The following SH2D3C variants were observed in gnomAD, a reference collection of about 807,000 sequenced individuals.
SH2D3C encodes SH2 domain-containing protein 3C.
SH2D3C carries 25 observed loss-of-function variants against 75.2 expected under a neutral mutation model. That is an observed-to-expected ratio of 0.33 (90% CI 0.24 to 0.46). The LOEUF is 0.46. Among genes scored for constraint, SH2D3C ranks in the 20% least tolerant of loss-of-function variants. The pLI is 1.00. For synonymous variants in SH2D3C, 450 were observed against 473.7 expected (o/e 0.95, Z 0.65); for missense variants, 933 against 1,165.3 (o/e 0.80, Z 2.90).
At chr9:127,753,015 C>A (rs187440062) in intron 3 of SH2D3C, among the ~76,000 whole-genome samples, 2 of 151,754 alleles carry the variant, frequency 1.3e-5, no homozygotes, top group Non-Finnish European at 2.9e-5. Context: ...GGGGAGAGAG[C>A]GGCAAAGTCA....
intron 10 of SH2D3C, 141 bp downstream of exon 10, chr9:127,740,117 A>G: frequency 1.3e-6 from 1 of 789,486 alleles, no homozygotes; most frequent in Non-Finnish European, 2.1e-6. Context: ...CAGGGCTGAC[A>G]CAGCTGCCAG....
chr9:127,741,483 C>T (rs1033583433), intron 9 of SH2D3C, among the ~76,000 whole-genome samples: 1 of 152,128 alleles, frequency 6.6e-6, no homozygotes, highest in Admixed American at 6.5e-5. Context: ...GTGATCCGCC[C>T]GCCTCAGCCT....
At chr9:127,766,335 C>T (rs979881649) in intron 2 of SH2D3C, among the ~76,000 whole-genome samples, 3 of 152,242 alleles carry the variant, frequency 2.0e-5, no homozygotes, top group African/African-American at 7.2e-5. Flanking sequence ...GCCCCTGATC[C>T]CTGGCTCCCT....
chr9:127,740,935 C>A (rs939719841), intron 9 of SH2D3C, among the ~76,000 whole-genome samples: 1 of 152,216 alleles, frequency 6.6e-6, no homozygotes, highest in African/African-American at 2.4e-5. Flanking sequence ...CCCACCTTGG[C>A]CTCCCAAAGT....
chr9:127,755,669 G>A (rs1277797077), intron 3 of SH2D3C, among the ~76,000 whole-genome samples: 1 of 152,212 alleles, frequency 6.6e-6, no homozygotes, highest in Non-Finnish European at 1.5e-5. Flanking sequence ...CAGAGCCCAG[G>A]ATTTCTCATC....
chr9:127,756,493 G>T lies in SH2D3C; in HGVS notation c.555+5118C>A, dbSNP rs565374498. ...TTGTTTGTTTTCTGTAAATACATCT[G>T]AAGCTCTGGGCATGCAGCCTGGAAT... is the stretch of plus-strand genomic sequence containing the variant. On this transcript the variant is annotated intron_variant, in intron 3 of 11. Coordinates refer to ENST00000314830, the MANE Select transcript of SH2D3C (RefSeq NM_170600.3). Among the ~76,000 whole-genome samples the T allele has an allele frequency of 1.2e-4, 19 of 152,228 alleles. No individual in the cohort carries two copies. In the South Asian group the frequency reaches 3.7e-3, roughly 30 times the overall value.
Position 127,757,272 on chromosome 9 carries a change from A to ATTTTTT in SH2D3C, c.555+4333_555+4338dup, listed in dbSNP as rs60217641. Among the ~76,000 whole-genome samples, 331 of 138,670 alleles carry ATTTTTT rather than the reference A, an allele frequency of 2.4e-3. 7 individuals carry two copies. The East Asian group carries it at 0.053, about 22-fold the overall frequency. 91.0% of individuals were successfully genotyped at this position (138,670 alleles called of 152,430 possible). The stretch of plus-strand genomic sequence containing the variant: ...ATTGATTCCTTTTAACCCTCATTTG[A>ATTTTTT]TTTTTTTTTTTTTTTGAGAGGCAGG... On this transcript the variant is annotated intron_variant, in intron 3 of 11. Coordinates refer to ENST00000314830, the MANE Select transcript of SH2D3C (RefSeq NM_170600.3).
In SH2D3C at chr9:127,751,223, G is replaced by A. The variant is rs781603646; in HGVS notation, c.633C>T (p.Ser211=). The A allele has an allele frequency of 4.3e-6, 7 of 1,613,990 alleles. No individual in the cohort carries two copies. Among genetic ancestry groups the A allele is most frequent in the East Asian group, 4.5e-5 (2 of 44,898 alleles). The change falls in exon 4 of 12, where the codon AGC becomes AGT. Residue 211 remains serine (S), a synonymous_variant. Transcript: ENST00000314830. This position sits in a 1 kb window ranked among gnomAD's most constrained non-coding sequence, Gnocchi z 4.1. ...HKELEEELKL[S]STDLRSHAWY... Reference sequence around the variant, plus strand: ...AGGCATGGCTGCGGAGATCCGTGCTGCTGAGTTTGAGCTCCTCCTCCAATT... The same window carrying A: ...AGGCATGGCTGCGGAGATCCGTGCTACTGAGTTTGAGCTCCTCCTCCAATT...
chr9:127,772,098 A>AG (rs1277761232), intron 2 of SH2D3C, among the ~76,000 whole-genome samples: 1 of 152,166 alleles, frequency 6.6e-6, no homozygotes, highest in African/African-American at 2.4e-5. Context: ...CTCACTGATC[A>AG]GGGGTCTAGG....
At chr9:127,769,895 T>C (rs1845701993) in intron 2 of SH2D3C, among the ~76,000 whole-genome samples, 1 of 152,026 alleles carries the variant, frequency 6.6e-6, no homozygotes, top group Admixed American at 6.6e-5. Flanking sequence ...CACACCCCAG[T>C]CTAGTGTTGA....
Position 127,738,791 on chromosome 9 carries a change from G to C in SH2D3C, c.2538C>G (p.Ala846=). Residue 846 remains alanine, a synonymous_variant, in exon 12 of 12, where the codon GCC becomes GCG. Transcript: ENST00000314830. This position sits in a 1 kb window ranked among gnomAD's most constrained non-coding sequence, Gnocchi z 5.0. The part of the protein sequence containing the change: ...RYEKFDKVLT[A]LSHKLEPAVR... ...CAGCAGGTTCCAGCTTGTGGGACAGGGCAGTGAGGACCTTGTCGAACTTCT... is the reference window on the plus strand; with the variant it reads ...CAGCAGGTTCCAGCTTGTGGGACAGCGCAGTGAGGACCTTGTCGAACTTCT... 6.2e-7 allele frequency: 1 copy of C among 1,609,580 alleles called. No individual in the cohort carries two copies. The highest frequency in any genetic ancestry group is 8.5e-7 in the Non-Finnish European group (1 of 1,178,294).
chr9:127,774,168 C>T lies in SH2D3C; in HGVS notation c.337G>A (p.Asp113Asn), dbSNP rs772492265. 3.1e-6 allele frequency: 5 copies of T among 1,613,914 alleles called. No individual in the cohort carries two copies. The highest frequency in any genetic ancestry group is 1.3e-5 in the African/African-American group (1 of 74,922). ...TTGGCTGCCTCCAAGCCTGGGGGGT[C>T]GGGTACACCTCCGGGTACCAAGTTG... ...KPNLVPGGVP[D>N]PPGLEAAKEV... The change falls in exon 2 of 12, where the codon GAC (aspartate) becomes AAC (asparagine). Residue 113 changes from aspartate (D) to asparagine (N), a missense_variant. Physicochemically the swap from Asp to Asn is conservative, Grantham distance 23. Transcript: ENST00000314830. The surrounding 1 kb of genome is among the most constrained non-coding windows in gnomAD (Gnocchi z 4.3).
At chr9:127,767,435 C>T in intron 2 of SH2D3C, 2 of 431,332 alleles carry the variant, frequency 4.6e-6, no homozygotes, top group Non-Finnish European at 6.2e-6. Flanking sequence ...ATGTCTAATT[C>T]CCTGCTCTGT....
intron 2 of SH2D3C, among the ~76,000 whole-genome samples, chr9:127,769,657 G>GA (rs11368432): frequency 0.062 from 5,484 of 88,140 alleles, 309 homozygotes; most frequent in African/African-American, 0.16. Context: ...ACTCCATCTC[G>GA]AAAAAAAAAA....
At chr9:127,755,471 A>T (rs1362067186) in intron 3 of SH2D3C, among the ~76,000 whole-genome samples, 1 of 152,082 alleles carries the variant, frequency 6.6e-6, no homozygotes, top group Non-Finnish European at 1.5e-5. Context: ...CCTGCCAAGG[A>T]GGGTATTACC....
chr9:127,766,976 G>C, intron 2 of SH2D3C: 13 of 1,536,170 alleles, frequency 8.5e-6, no homozygotes, highest in East Asian at 2.4e-5. Flanking sequence ...AAAAGAGCTG[G>C]GTGGAAAGCC....
chr9:127,757,924 G>C (rs1044897040), intron 3 of SH2D3C, among the ~76,000 whole-genome samples: 2 of 151,952 alleles, frequency 1.3e-5, no homozygotes, highest in Non-Finnish European at 2.9e-5. Context: ...GCCTCCCAAA[G>C]TGCTGAGATT....
intron 3 of SH2D3C, chr9:127,755,405 C>A (rs974908648): frequency 1.2e-4 from 37 of 300,448 alleles, no homozygotes; most frequent in Middle Eastern, 9.9e-4. Flanking sequence ...CCTCGCCCCC[C>A]GCCCTCCAGT....
At position 127,744,858 on chromosome 9, in the gene SH2D3C, C is replaced by T; in HGVS notation, c.1506G>A (p.Val502=). ...TCGCTGCCCACTCTCGGCTGCCACGCACGGGAGGCTGGAGCTGGCAGTAGT... is the reference window on the plus strand; with the variant it reads ...TCGCTGCCCACTCTCGGCTGCCACGTACGGGAGGCTGGAGCTGGCAGTAGT... ...SGHYCQLQPP[V]RGSREWAATE... Residue 502 remains valine (V), a synonymous_variant, in exon 7 of 12, where the codon GTG becomes GTA. Coordinates refer to ENST00000314830, the MANE Select transcript of SH2D3C (RefSeq NM_170600.3). The T allele has an allele frequency of 6.2e-7, 1 of 1,614,070 alleles. No homozygotes were observed. Among genetic ancestry groups the T allele is most frequent in the Non-Finnish European group, 8.5e-7 (1 of 1,179,998 alleles).
Sources: gnomAD v4.1 joint callset for allele counts (sites outside exome capture counted in the v4.1 genomes callset) on GRCh38, gnomAD v4.1.1 for gene constraint, Gnocchi (gnomAD v3.1) non-coding constraint, MANE v1.5 for transcripts, NCBI Gene and HGNC (gene_info 2026-07-23, HGNC 2026-07-21) for gene names.